Variants in CACNA2D2 observed in about 807,000 individuals in gnomAD.
CACNA2D2 encodes the protein calcium voltage-gated channel auxiliary subunit alpha2delta 2.
CACNA2D2 carries 48 observed loss-of-function variants against 166.4 expected under a neutral mutation model. The ratio of observed to expected loss-of-function variants is 0.29; its 90% CI spans 0.23 to 0.37. The LOEUF is 0.37. CACNA2D2 is among the 10% of genes least tolerant of loss of function. The probability of loss-of-function intolerance (pLI) is 1.00; values close to 1 mark genes in which losing one functional copy is unlikely to be tolerated. For missense variants in CACNA2D2, 1,122 were observed against 1,433.0 expected, an observed-to-expected ratio of 0.78 and a Z score of 3.50; for synonymous variants, 561 against 573.7, an observed-to-expected ratio of 0.98 and a Z score of 0.32.
intron 1 of CACNA2D2, among the ~76,000 whole-genome samples, chr3:50,482,946 A>G (rs892172661): frequency 2.0e-5 from 3 of 151,968 alleles, no homozygotes; most frequent in Non-Finnish European, 4.4e-5. Flanking sequence ...AGCCGAGATC[A>G]CTCACTCCCC....
At chr3:50,378,358 TG>T in intron 13 of CACNA2D2, 25 bp from the exon 14 acceptor site, 1 of 1,550,538 alleles carries the variant, frequency 6.4e-7, no homozygotes, top group South Asian at 1.2e-5. Flanking sequence ...GAGGCAGAGG[TG>T]GGCCTGGCTG....
intron 2 of CACNA2D2, among the ~76,000 whole-genome samples, chr3:50,463,504 T>A (rs1385481766): frequency 6.6e-6 from 1 of 152,168 alleles, no homozygotes; most frequent in Non-Finnish European, 1.5e-5. Flanking sequence ...TGCCATGTTG[T>A]TCAGGCTGGT....
In CACNA2D2 at chr3:50,503,403, G is replaced by A. The variant is rs946039787; in HGVS notation, c.21C>T (p.Thr7=). The A allele has an allele frequency of 1.3e-5, 3 of 226,540 alleles. No homozygotes were observed. Among genetic ancestry groups the A allele is most frequent in the Non-Finnish European group, 2.5e-5 (3 of 118,210 alleles). The allele number at this position is 226,540 out of a possible 1,614,324, so 14.0% of individuals were successfully genotyped here. The change falls in exon 1 of 38, where the codon ACC becomes ACT. Residue 7 remains threonine, a synonymous_variant. Transcript: ENST00000424201. MAVPAR[T]CGASRPGPAR... is the part of the protein sequence containing the mutation. ...CTGGGCCGGGCCGAGAGGCGCCGCA[G>A]GTCCGAGCCGGCACCGCCATGTTTC...
chr3:50,378,471 T>C (rs923246446), intron 13 of CACNA2D2, 138 bp from the exon 14 acceptor site: 2 of 838,596 alleles, frequency 2.4e-6, no homozygotes, highest in African/African-American at 3.4e-5. Context: ...CTCCCTCTAG[T>C]GCTCCCGGCC....
rs1705015726 is a variant in CACNA2D2, at chr3:50,376,655, G to A, written c.1627-467C>T. ...TCCCTTCCAGGTGGAAGGGAAGTAG[G>A]AGTAAGTGGGACCTGGACCTAGCCC... On this transcript the variant is annotated intron_variant, in intron 17 of 37. Transcript: ENST00000424201. The surrounding 1 kb of genome is among the most constrained non-coding windows in gnomAD (Gnocchi z 4.3). Among the ~76,000 whole-genome samples, 1 of 152,182 alleles carries A rather than the reference G, an allele frequency of 6.6e-6. No homozygotes were observed. Among genetic ancestry groups the A allele is most frequent in the South Asian group, 2.1e-4 (1 of 4,824 alleles).
At chr3:50,434,462 G>C (rs372990323) in intron 2 of CACNA2D2, 33 bp from the exon 3 acceptor site, 2 of 1,521,690 alleles carry the variant, frequency 1.3e-6, no homozygotes, top group Admixed American at 1.7e-5. Flanking sequence ...GGTGAGACCA[G>C]GTGGTCCCAC....
chr3:50,429,355 A>G (rs1707955760), intron 3 of CACNA2D2, among the ~76,000 whole-genome samples: 1 of 152,150 alleles, frequency 6.6e-6, no homozygotes, highest in South Asian at 2.1e-4. Flanking sequence ...GTGAGGATTC[A>G]GAGCAATACA....
intron 2 of CACNA2D2, among the ~76,000 whole-genome samples, chr3:50,455,507 T>C (rs914724000): frequency 6.6e-6 from 1 of 152,226 alleles, no homozygotes; most frequent in Non-Finnish European, 1.5e-5. Flanking sequence ...TAGCGACACT[T>C]TGGCGATGCA....
At chr3:50,429,133 G>A (rs908941993) in intron 3 of CACNA2D2, among the ~76,000 whole-genome samples, 2 of 152,146 alleles carry the variant, frequency 1.3e-5, no homozygotes, top group Non-Finnish European at 2.9e-5. Context: ...GGGAGGCTGA[G>A]GCATGAGAAT....
intron 1 of CACNA2D2, among the ~76,000 whole-genome samples, chr3:50,478,063 A>G (rs76624455): frequency 6.6e-6 from 1 of 152,100 alleles, no homozygotes; most frequent in African/African-American, 2.4e-5. Flanking sequence ...AAAAAAAAAA[A>G]TCAACATCAA....
intron 1 of CACNA2D2, among the ~76,000 whole-genome samples, chr3:50,489,415 T>C (rs1005642856): frequency 1.3e-5 from 2 of 152,146 alleles, no homozygotes; most frequent in South Asian, 4.1e-4. Flanking sequence ...TTAATGGCCT[T>C]TGGGATTGTT....
intron 1 of CACNA2D2, among the ~76,000 whole-genome samples, chr3:50,498,668 G>C (rs934804729): frequency 6.6e-6 from 1 of 152,244 alleles, no homozygotes; most frequent in South Asian, 2.1e-4. Flanking sequence ...TTCATGCCAA[G>C]GAAGGCCCCT....
intron 3 of CACNA2D2, among the ~76,000 whole-genome samples, chr3:50,400,457 C>T (rs1285138645): frequency 1.3e-5 from 2 of 152,266 alleles, no homozygotes; most frequent in East Asian, 1.9e-4. Context: ...ACATGCATGA[C>T]GGCCACCTCA....
chr3:50,364,597 G>A lies in CACNA2D2; in HGVS notation c.*69C>T. On this transcript the variant is annotated 3_prime_UTR_variant, in exon 38 of 38. Transcript: ENST00000424201. ...GACGAGGCTCTAAGGCGGGGAGTGT[G>A]GGGCAGGAGGGTGGGAAAGGCGAAG... 1.4e-6 allele frequency: 2 copies of A among 1,434,642 alleles called. No individual in the cohort carries two copies. The highest frequency in any genetic ancestry group is 1.8e-6 in the Non-Finnish European group (2 of 1,090,688). The allele number at this position is 1,434,642 out of a possible 1,614,324, so 88.9% of individuals were successfully genotyped here.
chr3:50,501,438 C>A (rs899500768), intron 1 of CACNA2D2, among the ~76,000 whole-genome samples: 3 of 151,328 alleles, frequency 2.0e-5, no homozygotes, highest in Non-Finnish European at 4.4e-5. Context: ...CCCAAACCCC[C>A]AAATTAGCTC....
chr3:50,370,284 G>C (rs1239442894), intron 23 of CACNA2D2, 36 bp downstream of exon 23: 11 of 1,525,228 alleles, frequency 7.2e-6, no homozygotes, highest in Non-Finnish European at 8.0e-6. Flanking sequence ...GGTCAGGGTA[G>C]GGGAGGACAC....
At chr3:50,466,986 AG>A (rs1709852779) in intron 2 of CACNA2D2, among the ~76,000 whole-genome samples, 1 of 152,196 alleles carries the variant, frequency 6.6e-6, no homozygotes, top group African/African-American at 2.4e-5. Flanking sequence ...GGGTTTAAAA[AG>A]CTGGGAAGAG....
At position 50,464,910 on chromosome 3, in the gene CACNA2D2, T is replaced by C. The variant is rs183404170; in HGVS notation, c.288+11208A>G. On this transcript the variant is annotated intron_variant, in intron 2 of 37. Coordinates refer to ENST00000424201, the MANE Select transcript of CACNA2D2 (RefSeq NM_006030.4). ...CTGGAAAGCAGGTGCCTTTAAGTGC[T>C]TGGCTGCTGCCAAGAAGGGCCCAGA... Among the ~76,000 whole-genome samples the C allele has an allele frequency of 4.3e-3, 649 of 152,366 alleles. 11 individuals carry two copies. Among genetic ancestry groups the C allele is most frequent in the Non-Finnish European group, 3.5e-3 (238 of 68,030 alleles).
chr3:50,422,700 G>A (rs967330537), intron 3 of CACNA2D2, among the ~76,000 whole-genome samples: 5 of 152,204 alleles, frequency 3.3e-5, no homozygotes, highest in African/African-American at 1.2e-4. Context: ...GGGGAAACTG[G>A]GGAGAAAAAG....
Sources: gnomAD v4.1 joint callset for allele counts (sites outside exome capture counted in the v4.1 genomes callset) on GRCh38, gnomAD v4.1.1 for gene constraint, Gnocchi (gnomAD v3.1) non-coding constraint, MANE v1.5 for transcripts, NCBI Gene and HGNC (gene_info 2026-07-23, HGNC 2026-07-21) for gene names.